ZFHX3: variants seen among roughly 807,000 people sequenced by gnomAD.
ZFHX3 encodes the protein zinc finger homeobox protein 3.
A neutral mutation model predicts 279.1 loss-of-function variants in ZFHX3; 42 were observed. That is an observed-to-expected ratio of 0.15 (90% CI 0.12 to 0.19). The LOEUF (loss-of-function observed/expected upper bound fraction) is 0.19, where lower values mean the gene tolerates loss of function less well. Among genes scored for constraint, ZFHX3 ranks in the 10% least tolerant of loss-of-function variants. The pLI is 1.00. For missense variants in ZFHX3, 4,981 were observed against 4,754.0 expected, an observed-to-expected ratio of 1.05 and a Z score of -1.40; for synonymous variants, 2,293 against 1,957.8, an observed-to-expected ratio of 1.17 and a Z score of -4.52.
At chr16:73,575,405 T>C (rs957191455) in intron 2 of ZFHX3, among the ~76,000 whole-genome samples, 8 of 152,320 alleles carry the variant, frequency 5.3e-5, no homozygotes, top group Admixed American at 2.6e-4. Context: ...TTCCTCTGTA[T>C]GTTGATTGGT....
chr16:73,538,850 A>G (rs1407053981), intron 2 of ZFHX3, among the ~76,000 whole-genome samples: 2 of 152,300 alleles, frequency 1.3e-5, no homozygotes, highest in East Asian at 1.9e-4. Context: ...TTCAATAAAC[A>G]TGTCTTGGAT....
At position 73,085,341 on chromosome 16, in the gene ZFHX3, A is replaced by G. The variant is rs376488733; in HGVS notation, c.-533+7894T>C. On this transcript the variant is annotated intron_variant, in intron 8 of 17. Transcript: ENST00000641206. ...TAATGGCACAATCTTGGCTCACTGC[A>G]ACCTCTGCCTCCCAGCAAGTGATTC... 5.3e-5 allele frequency among the ~76,000 whole-genome samples: 8 copies of G among 152,250 alleles called. No homozygotes were observed. In the East Asian group the frequency reaches 1.2e-3, roughly 22 times the overall value.
chr16:72,846,619 T>C (rs1240515486), intron 4 of ZFHX3, among the ~76,000 whole-genome samples: 2 of 152,262 alleles, frequency 1.3e-5, no homozygotes, highest in Non-Finnish European at 2.9e-5. Context: ...GCAGTCTTTA[T>C]GCATCCCCCT....
intron 2 of ZFHX3, among the ~76,000 whole-genome samples, chr16:73,564,850 A>G (rs924201417): frequency 2.6e-5 from 4 of 152,256 alleles, no homozygotes; most frequent in African/African-American, 9.6e-5. Flanking sequence ...GCTGGTAGCT[A>G]TGCAATGTAT....
chr16:72,923,384 G>A (rs1484366871), intron 3 of ZFHX3, among the ~76,000 whole-genome samples: 2 of 151,046 alleles, frequency 1.3e-5, no homozygotes, highest in Non-Finnish European at 1.5e-5. Flanking sequence ...GGCAGAGGCT[G>A]CAGTGAGCTG....
intron 3 of ZFHX3, among the ~76,000 whole-genome samples, chr16:72,932,211 G>T (rs1353469365): frequency 2.6e-5 from 4 of 152,108 alleles, no homozygotes; most frequent in African/African-American, 9.7e-5. Flanking sequence ...CTTGCAGGAA[G>T]TCCTATTTAA....
chr16:73,221,500 G>C (rs946150000), intron 5 of ZFHX3, among the ~76,000 whole-genome samples: 2 of 151,464 alleles, frequency 1.3e-5, no homozygotes, highest in African/African-American at 4.9e-5. Context: ...TATCACATTG[G>C]GTACAGTGTA....
rs767257058 is a variant in ZFHX3, at chr16:73,190,470, C to T, written c.-1103-46639G>A. ...GGAAAGAAGAACAATTTCAGTTTTT[C>T]CAGCCATAAAACAGGGAACTTAATG... is the stretch of plus-strand genomic sequence containing the variant. On this transcript the variant is annotated intron_variant, in intron 5 of 17. Transcript: ENST00000641206. 5.6e-4 allele frequency among the ~76,000 whole-genome samples: 86 copies of T among 152,296 alleles called. No homozygotes were observed. The Middle Eastern group carries it at 0.014, about 24-fold the overall frequency.
Position 72,857,377 on chromosome 16 carries a change from A to T in ZFHX3, c.3449-27518T>A, listed in dbSNP as rs574372940. ...ACAGGAAGTTCCTCCACCTACAGAG[A>T]TAACAGAAAAATAAAAAATAAAGAC... On this transcript the variant is annotated intron_variant, in intron 4 of 9. Transcript: ENST00000268489. Among the ~76,000 whole-genome samples, 12 of 152,340 alleles carry T rather than the reference A, an allele frequency of 7.9e-5. No homozygotes were observed. In the East Asian group the frequency reaches 2.3e-3, roughly 29 times the overall value.
chr16:72,956,914 C>T (rs1201576017), intron 2 of ZFHX3, among the ~76,000 whole-genome samples: 4 of 151,834 alleles, frequency 2.6e-5, no homozygotes, highest in Non-Finnish European at 5.9e-5. Context: ...TTCCCTAGCT[C>T]GGCACAGAAT....
At chr16:73,065,975 G>A (rs1360173004) in intron 8 of ZFHX3, among the ~76,000 whole-genome samples, 1 of 152,246 alleles carries the variant, frequency 6.6e-6, no homozygotes, top group Non-Finnish European at 1.5e-5. Context: ...GGTTAAGGCT[G>A]GTGAGTGCAG....
At chr16:73,509,268 G>A (rs1329691039) in intron 2 of ZFHX3, among the ~76,000 whole-genome samples, 2 of 152,066 alleles carry the variant, frequency 1.3e-5, no homozygotes, top group African/African-American at 4.8e-5. Context: ...AGATCCCTCT[G>A]TTTTGAAAAT....
intron 3 of ZFHX3, among the ~76,000 whole-genome samples, chr16:73,320,451 C>T (rs181674154): frequency 6.6e-6 from 1 of 152,324 alleles, no homozygotes; most frequent in African/African-American, 2.4e-5. Context: ...AGTCCATTGA[C>T]AGCTACAGAT....
At chr16:73,189,959 A>G (rs999884361) in intron 5 of ZFHX3, among the ~76,000 whole-genome samples, 1 of 152,208 alleles carries the variant, frequency 6.6e-6, no homozygotes, top group Non-Finnish European at 1.5e-5. Context: ...TTAAAAACTA[A>G]AAGTCTAAAG....
chr16:73,580,234 C>G (rs957274620), intron 2 of ZFHX3, among the ~76,000 whole-genome samples: 3 of 151,866 alleles, frequency 2.0e-5, no homozygotes, highest in South Asian at 2.1e-4. Context: ...AATCCCAGCA[C>G]TCTGGGAGGC....
At chr16:73,386,693 T>C (rs1047582835) in intron 3 of ZFHX3, 1 of 150,438 alleles carries the variant, frequency 6.6e-6, no homozygotes, top group Non-Finnish European at 1.5e-5. Context: ...TCAAGAGCCC[T>C]ACACAGTCCT....
At chr16:73,301,835 C>G (rs2015063049) in intron 4 of ZFHX3, among the ~76,000 whole-genome samples, 1 of 150,768 alleles carries the variant, frequency 6.6e-6, no homozygotes, top group South Asian at 2.1e-4. Context: ...GTGCATAAGC[C>G]TTTCTTACGG....
At chr16:73,822,214 T>C (rs1307924896) in intron 1 of ZFHX3, among the ~76,000 whole-genome samples, 1 of 152,168 alleles carries the variant, frequency 6.6e-6, no homozygotes, top group Non-Finnish European at 1.5e-5. Context: ...TCTTTGAAGC[T>C]CTTTTCTCTT....
chr16:73,345,392 C>G (rs2016104704), intron 3 of ZFHX3, among the ~76,000 whole-genome samples: 1 of 141,760 alleles, frequency 7.1e-6, no homozygotes, highest in South Asian at 2.6e-4. Context: ...CTCCCTCCCC[C>G]CACCCCACCC....
Sources: gnomAD v4.1 joint callset for allele counts (sites outside exome capture counted in the v4.1 genomes callset) on GRCh38, gnomAD v4.1.1 for gene constraint, MANE v1.5 for transcripts, NCBI Gene and HGNC (gene_info 2026-07-23, HGNC 2026-07-21) for gene names.